Variants in DLGAP1 observed in about 807,000 individuals in gnomAD.
DLGAP1 encodes disks large-associated protein 1.
Under a neutral mutation model 90.8 loss-of-function variants are expected in DLGAP1, and 11 were observed. That is an observed-to-expected ratio of 0.12 (90% CI 0.08 to 0.20). The LOEUF is 0.20. Among genes scored for constraint, DLGAP1 ranks in the 10% least tolerant of loss-of-function variants. The pLI is 1.00. For missense variants in DLGAP1, 1,050 were observed against 1,333.8 expected (o/e 0.79, Z 3.31); for synonymous variants, 558 against 540.7 (o/e 1.03, Z -0.44).
intron 1 of DLGAP1, among the ~76,000 whole-genome samples, chr18:4,343,886 G>A (rs185318069): frequency 1.5e-3 from 223 of 152,284 alleles, no homozygotes; most frequent in Middle Eastern, 3.4e-3. Context: ...AAAGGATCAA[G>A]TCTGGGAAGT....
intron 1 of DLGAP1, among the ~76,000 whole-genome samples, chr18:4,278,384 C>T (rs1418378800): frequency 2.6e-5 from 4 of 152,154 alleles, no homozygotes; most frequent in African/African-American, 4.8e-5. Flanking sequence ...AGAGAACCAT[C>T]ACTTAACTAG....
chr18:4,097,784 T>C (rs559332935), intron 2 of DLGAP1, among the ~76,000 whole-genome samples: 8 of 152,382 alleles, frequency 5.2e-5, no homozygotes, highest in Non-Finnish European at 1.0e-4. Context: ...ATAGATATAC[T>C]TTCCCACAGG....
Position 4,185,319 on chromosome 18 carries a change from T to C in DLGAP1, c.-266-34032A>G, listed in dbSNP as rs112623970. 9.7e-3 allele frequency among the ~76,000 whole-genome samples: 1,474 copies of C among 152,044 alleles called. 26 individuals are homozygous for C. The highest frequency in any genetic ancestry group is 0.032 in the African/African-American group (1,329 of 41,506). On this transcript the variant is annotated intron_variant, in intron 1 of 12. Coordinates refer to ENST00000315677, the MANE Select transcript of DLGAP1 (RefSeq NM_004746.4). Reference sequence around the variant, plus strand: ...GGGGTCCACGTGCAGGTTTCTTACGTAGGTAAACTTGCGTCATGGGGGTTT... The same window carrying C: ...GGGGTCCACGTGCAGGTTTCTTACGCAGGTAAACTTGCGTCATGGGGGTTT...
At chr18:3,706,330 T>C (rs1030724391) in intron 7 of DLGAP1, among the ~76,000 whole-genome samples, 1 of 152,084 alleles carries the variant, frequency 6.6e-6, no homozygotes, top group African/African-American at 2.4e-5. Flanking sequence ...GTTTGGAAGA[T>C]ACAATAAATG....
intron 3 of DLGAP1, 194 bp downstream of exon 3, chr18:4,004,922 G>C (rs1372571157): frequency 1.4e-5 from 2 of 138,886 alleles, no homozygotes; most frequent in Non-Finnish European, 3.0e-5. Context: ...GTGTGTGTGT[G>C]TGTGTGTGTG....
chr18:4,165,197 G>A (rs2076913142), intron 1 of DLGAP1, among the ~76,000 whole-genome samples: 1 of 152,094 alleles, frequency 6.6e-6, no homozygotes, highest in Non-Finnish European at 1.5e-5. Flanking sequence ...AAACTGAAAA[G>A]AAAGGCAGAG....
At chr18:4,109,033 G>A (rs971687894) in intron 2 of DLGAP1, among the ~76,000 whole-genome samples, 1 of 152,186 alleles carries the variant, frequency 6.6e-6, no homozygotes, top group African/African-American at 2.4e-5. Context: ...CTAAATGGGA[G>A]TGAGTTACTT....
chr18:3,886,824 G>C (rs1170427546), intron 3 of DLGAP1, among the ~76,000 whole-genome samples: 2 of 152,206 alleles, frequency 1.3e-5, no homozygotes, highest in Non-Finnish European at 2.9e-5. Context: ...AACATAACTT[G>C]AAACGGCATG....
rs1292544286 is a variant in DLGAP1, at chr18:4,346,449, TAG to T, written c.-267+108555_-267+108556del. 2.0e-5 allele frequency among the ~76,000 whole-genome samples: 3 copies of T among 152,178 alleles called. No homozygotes were observed. The East Asian group carries it at 5.8e-4, about 29-fold the overall frequency. Reference sequence around the variant, plus strand: ...TTATTTTATCCCTAACTCAGAAAGATAGAGAGAGGGCCCATTTATGGAGTACA... The same window carrying T: ...TTATTTTATCCCTAACTCAGAAAGATAGAGAGGGCCCATTTATGGAGTACA... On this transcript the variant is annotated intron_variant, in intron 1 of 12. Coordinates refer to ENST00000315677, the MANE Select transcript of DLGAP1 (RefSeq NM_004746.4).
At chr18:4,146,855 G>A (rs537671611) in intron 2 of DLGAP1, among the ~76,000 whole-genome samples, 5 of 152,230 alleles carry the variant, frequency 3.3e-5, no homozygotes, top group African/African-American at 1.2e-4. Context: ...AAAAAAATAA[G>A]TGGAAACTTG....
intron 1 of DLGAP1, among the ~76,000 whole-genome samples, chr18:4,411,632 T>G (rs1318067902): frequency 6.6e-6 from 1 of 152,168 alleles, no homozygotes; most frequent in Non-Finnish European, 1.5e-5. Flanking sequence ...CGAGGCAGCT[T>G]TTCTTCTCCA....
intron 4 of DLGAP1, among the ~76,000 whole-genome samples, chr18:3,826,623 T>C (rs1326622733): frequency 6.6e-6 from 1 of 151,870 alleles, no homozygotes; most frequent in Admixed American, 6.6e-5. Flanking sequence ...GAGTGAGAGG[T>C]GGCAGAAGGT....
intron 2 of DLGAP1, among the ~76,000 whole-genome samples, chr18:4,074,215 A>G (rs558809864): frequency 6.6e-6 from 1 of 152,144 alleles, no homozygotes; most frequent in Non-Finnish European, 1.5e-5. Flanking sequence ...AAACTTGGGT[A>G]AGTATATTCA....
intron 1 of DLGAP1, among the ~76,000 whole-genome samples, chr18:4,358,857 G>A (rs904236214): frequency 6.6e-6 from 1 of 152,234 alleles, no homozygotes; most frequent in African/African-American, 2.4e-5. Flanking sequence ...TGGTGCAGCA[G>A]CAGGAAGCCC....
intron 1 of DLGAP1, among the ~76,000 whole-genome samples, chr18:4,354,087 G>A (rs1323077634): frequency 6.6e-6 from 1 of 152,182 alleles, no homozygotes; most frequent in Middle Eastern, 3.2e-3. Context: ...AGTTGCTGCT[G>A]TTGGGGCTCG....
intron 2 of DLGAP1, among the ~76,000 whole-genome samples, chr18:4,099,671 T>G: frequency 6.6e-6 from 1 of 151,596 alleles, no homozygotes; most frequent in Non-Finnish European, 1.5e-5. Context: ...TGAAGGTTGG[T>G]GTGGTTGTGG....
Position 3,562,998 on chromosome 18 carries a change from T to C in DLGAP1, c.2057+4492A>G, listed in dbSNP as rs192711758. ...CATGCACCACAGCCAGATAACTTTTTGTATTTTTTGTAGAGATGGGATTTT... is the reference window on the plus strand; with the variant it reads ...CATGCACCACAGCCAGATAACTTTTCGTATTTTTTGTAGAGATGGGATTTT... On this transcript the variant is annotated intron_variant, in intron 9 of 12. Coordinates refer to ENST00000315677, the MANE Select transcript of DLGAP1 (RefSeq NM_004746.4). 2.8e-4 allele frequency among the ~76,000 whole-genome samples: 42 copies of C among 152,154 alleles called. 1 individual carries two copies. Among genetic ancestry groups the C allele is most frequent in the Admixed American group, 2.4e-3 (37 of 15,260 alleles).
At chr18:4,218,046 C>T (rs1235848844) in intron 1 of DLGAP1, among the ~76,000 whole-genome samples, 1 of 151,572 alleles carries the variant, frequency 6.6e-6, no homozygotes, top group Non-Finnish European at 1.5e-5. Context: ...TACAGTTATG[C>T]AATTTACATG....
chr18:3,729,094 C>T lies in DLGAP1; in HGVS notation c.1591+41G>A. 2 of 1,568,914 alleles carry T rather than the reference C, an allele frequency of 1.3e-6. No homozygotes were observed. The highest frequency in any genetic ancestry group is 1.7e-6 in the Non-Finnish European group (2 of 1,157,026). On this transcript the variant is annotated intron_variant, in intron 7 of 12. Coordinates refer to ENST00000315677, the MANE Select transcript of DLGAP1 (RefSeq NM_004746.4). The surrounding 1 kb of genome is among the most constrained non-coding windows in gnomAD (Gnocchi z 6.2). ...GTCTTTGGGGACAGTCGTGCCATAG[C>T]CAGCACAGGGGCCAGGCTGGCTGAG...
Sources: allele counts gnomAD v4.1 joint callset (sites outside exome capture counted in the v4.1 genomes callset), GRCh38; gene constraint gnomAD v4.1.1; non-coding constraint Gnocchi (gnomAD v3.1); transcripts MANE v1.5; gene names NCBI Gene and HGNC (gene_info 2026-07-23, HGNC 2026-07-21).